Variants in TBC1D22A observed in about 807,000 individuals in gnomAD.
The protein encoded by TBC1D22A is TBC1 domain family member 22A, also known as putative GTPase activator.
A neutral mutation model predicts 60.2 loss-of-function variants in TBC1D22A; 38 were observed. The observed-to-expected ratio is 0.63, with a 90% CI of 0.49 to 0.83. The LOEUF (loss-of-function observed/expected upper bound fraction) is 0.83, where lower values mean the gene tolerates loss of function less well. Among genes scored for constraint, TBC1D22A ranks in the 40% least tolerant of loss-of-function variants. TBC1D22A has a pLI of 0.00. For synonymous variants in TBC1D22A, 302 were observed against 281.7 expected (o/e 1.07, Z -0.72); for missense variants, 628 against 701.0 (o/e 0.90, Z 1.18).
At chr22:46,932,816 C>T (rs11090915) in intron 8 of TBC1D22A, among the ~76,000 whole-genome samples, 85,697 of 150,058 alleles carry the variant, frequency 0.57, 25,135 homozygotes, top group Middle Eastern at 0.72. Context: ...CCTCTGCCTC[C>T]CAGGTTCAAG....
At chr22:46,804,082 A>G (rs946337313) in intron 4 of TBC1D22A, among the ~76,000 whole-genome samples, 17 of 152,322 alleles carry the variant, frequency 1.1e-4, no homozygotes, top group African/African-American at 3.8e-4. Flanking sequence ...CTCAGCAGCA[A>G]TGCGATGGCA....
chr22:47,115,247 T>TGGTTGCCCTCA (rs2065996312), intron 12 of TBC1D22A, among the ~76,000 whole-genome samples: 1 of 152,084 alleles, frequency 6.6e-6, no homozygotes, highest in Non-Finnish European at 1.5e-5. Flanking sequence ...TCAGGAAGGG[T>TGGTTGCCCTCA]GGTTGCCCTC....
rs924859762 is a variant in TBC1D22A at position 46,946,075 on chromosome 22, T to A, written c.1016-28215T>A. 8.5e-5 allele frequency among the ~76,000 whole-genome samples: 13 copies of A among 152,330 alleles called. 1 individual carries two copies. The highest frequency in any genetic ancestry group is 2.9e-4 in the African/African-American group (12 of 41,578). ...GCACAGTATTGGCTCTTATCGTTTC[T>A]CCCTTAAAGGTGTGTGTACACAGCT... On this transcript the variant is annotated intron_variant, in intron 8 of 12. Transcript: ENST00000337137.
chr22:47,048,789 C>T lies in TBC1D22A; in HGVS notation c.1329+11591C>T, dbSNP rs145097181. Reference sequence around the variant, plus strand: ...CTCTGGGGGGAGGTGGGGCACCTGCCGCACCGTAATCAGGAGCAATGTAGG... The same window carrying T: ...CTCTGGGGGGAGGTGGGGCACCTGCTGCACCGTAATCAGGAGCAATGTAGG... On this transcript the variant is annotated intron_variant, in intron 11 of 12. Coordinates refer to ENST00000337137, the MANE Select transcript of TBC1D22A (RefSeq NM_014346.5). 6.7e-3 allele frequency among the ~76,000 whole-genome samples: 1,025 copies of T among 152,204 alleles called. 18 individuals are homozygous for T. The highest frequency in any genetic ancestry group is 0.024 in the African/African-American group (979 of 41,522).
Position 46,787,727 on chromosome 22 carries a change from A to C in TBC1D22A, c.63-4793A>C, listed in dbSNP as rs1040884247. On this transcript the variant is annotated intron_variant, in intron 1 of 12. Transcript: ENST00000337137. ...AGTATAAACTCTTACATGGAAATGG[A>C]AAATGTCAAATACAGGTTGGTAGCC... is the stretch of plus-strand genomic sequence containing the variant. Among the ~76,000 whole-genome samples, 5 of 152,198 alleles carry C rather than the reference A, an allele frequency of 3.3e-5. No individual in the cohort carries two copies. In the South Asian group the frequency reaches 8.3e-4, roughly 25 times the overall value.
intron 11 of TBC1D22A, among the ~76,000 whole-genome samples, chr22:47,057,389 C>T (rs1334782649): frequency 2.0e-5 from 3 of 152,224 alleles, no homozygotes; most frequent in Non-Finnish European, 4.4e-5. Context: ...AGTTTCCTTC[C>T]AGGTGCAGGG....
At chr22:47,142,447 T>C (rs956897297) in intron 12 of TBC1D22A, among the ~76,000 whole-genome samples, 9 of 9,102 alleles carry the variant, frequency 9.9e-4, no homozygotes, top group East Asian at 4.0e-3. Flanking sequence ...ACCCATCCAT[T>C]CACCCACCCA....
At chr22:46,855,851 A>T (rs1005295169) in intron 4 of TBC1D22A, among the ~76,000 whole-genome samples, 5 of 152,116 alleles carry the variant, frequency 3.3e-5, no homozygotes, top group Non-Finnish European at 5.9e-5. Context: ...CTGTGGGATT[A>T]TGTTGCTTTG....
chr22:47,125,930 C>G (rs2066437717), intron 12 of TBC1D22A, among the ~76,000 whole-genome samples: 1 of 152,222 alleles, frequency 6.6e-6, no homozygotes, highest in Non-Finnish European at 1.5e-5. Context: ...GAGGGCAGTG[C>G]CCACTCAGAG....
At chr22:47,160,220 A>G (rs2067922552) in intron 12 of TBC1D22A, among the ~76,000 whole-genome samples, 2 of 152,314 alleles carry the variant, frequency 1.3e-5, no homozygotes, top group Admixed American at 1.3e-4. Flanking sequence ...CAGGACGTGG[A>G]CACCGCCTGA....
At chr22:47,065,662 A>AGGACTTAGCAGG (rs2063750988) in intron 11 of TBC1D22A, among the ~76,000 whole-genome samples, 1 of 47,320 alleles carries the variant, frequency 2.1e-5, no homozygotes, top group African/African-American at 1.2e-4. Flanking sequence ...ATTGAGGGAG[A>AGGACTTAGCAGG]CCTGCGTGAG....
Position 47,054,624 on chromosome 22 carries a change from C to T in TBC1D22A, c.1329+17426C>T, listed in dbSNP as rs772779281. 3.9e-5 allele frequency among the ~76,000 whole-genome samples: 6 copies of T among 152,196 alleles called. No individual in the cohort carries two copies. In the East Asian group the frequency reaches 7.7e-4, roughly 20 times the overall value. ...GGCTCCTCTTCCTTCTCAGGCCCTTCGAATCCTGGGCACTCATTTCCCCCT... is the reference window on the plus strand; with the variant it reads ...GGCTCCTCTTCCTTCTCAGGCCCTTTGAATCCTGGGCACTCATTTCCCCCT... On this transcript the variant is annotated intron_variant, in intron 11 of 12. Coordinates refer to ENST00000337137, the MANE Select transcript of TBC1D22A (RefSeq NM_014346.5).
At chr22:47,047,415 C>A (rs965032639) in intron 11 of TBC1D22A, among the ~76,000 whole-genome samples, 1 of 152,176 alleles carries the variant, frequency 6.6e-6, no homozygotes, top group Non-Finnish European at 1.5e-5. Context: ...TGCAGGGCAG[C>A]GTGCTGGGCG....
chr22:47,065,539 C>T (rs2063721357), intron 11 of TBC1D22A, among the ~76,000 whole-genome samples: 2 of 51,244 alleles, frequency 3.9e-5, no homozygotes, highest in East Asian at 9.9e-4. Context: ...CTGCCCCTCC[C>T]CTGCCTGCCC....
intron 1 of TBC1D22A, among the ~76,000 whole-genome samples, chr22:46,785,592 T>C (rs2084125447): frequency 6.6e-6 from 1 of 152,228 alleles, no homozygotes; most frequent in African/African-American, 2.4e-5. Flanking sequence ...GTCCTTTAAC[T>C]ATCACCCCTG....
At chr22:46,869,160 T>G (rs1435976038) in intron 4 of TBC1D22A, among the ~76,000 whole-genome samples, 1 of 152,240 alleles carries the variant, frequency 6.6e-6, no homozygotes, top group African/African-American at 2.4e-5. Context: ...ATTCCTTTAC[T>G]GCCCTGTTGG....
At position 47,120,698 on chromosome 22, in the gene TBC1D22A, G is replaced by C. The variant is rs188423215; in HGVS notation, c.1425+9095G>C. 2.8e-3 allele frequency among the ~76,000 whole-genome samples: 430 copies of C among 152,342 alleles called. 7 individuals carry two copies. Among genetic ancestry groups the C allele is most frequent in the Non-Finnish European group, 1.4e-3 (93 of 68,026 alleles). ...ACAGACAGACAAAATGGCCCTTGTA[G>C]GTTCATGCTTGCCTGAGGCTTAGCT... On this transcript the variant is annotated intron_variant, in intron 12 of 12. Coordinates refer to ENST00000337137, the MANE Select transcript of TBC1D22A (RefSeq NM_014346.5).
chr22:46,992,679 T>A (rs778116405), intron 9 of TBC1D22A, among the ~76,000 whole-genome samples: 2 of 152,216 alleles, frequency 1.3e-5, no homozygotes, highest in Non-Finnish European at 2.9e-5. Flanking sequence ...AGAACTAGTA[T>A]CTGATGTGGT....
chr22:46,980,931 T>C (rs2074489492), intron 9 of TBC1D22A, among the ~76,000 whole-genome samples: 1 of 152,104 alleles, frequency 6.6e-6, no homozygotes, highest in South Asian at 2.1e-4. Flanking sequence ...TGAAGAAAAA[T>C]AGCTCTCCAA....
Sources: allele counts gnomAD v4.1 joint callset (sites outside exome capture counted in the v4.1 genomes callset), GRCh38; gene constraint gnomAD v4.1.1; transcripts MANE v1.5; gene names NCBI Gene and HGNC (gene_info 2026-07-23, HGNC 2026-07-21).